ZBTB20: variants seen among roughly 807,000 people sequenced by gnomAD.
The protein encoded by ZBTB20 is zinc finger and BTB domain-containing protein 20.
ZBTB20 carries 9 observed loss-of-function variants against 56.9 expected under a neutral mutation model. The ratio of observed to expected loss-of-function variants is 0.16; its 90% CI spans 0.10 to 0.28. The LOEUF is 0.28. Ranked by LOEUF, ZBTB20 falls within the 10% of genes least tolerant of loss-of-function variation. The pLI is 1.00. For synonymous variants in ZBTB20, 417 were observed against 420.7 expected, an observed-to-expected ratio of 0.99 and a Z score of 0.11; for missense variants, 655 against 1,003.0, an observed-to-expected ratio of 0.65 and a Z score of 4.69.
chr3:114,784,506 A>G (rs1300768011), intron 5 of ZBTB20, among the ~76,000 whole-genome samples: 1 of 152,234 alleles, frequency 6.6e-6, no homozygotes, highest in Non-Finnish European at 1.5e-5. Context: ...TCTTAAATAT[A>G]GTGAAAATGT....
At chr3:114,691,240 G>A (rs1475117194) in intron 6 of ZBTB20, among the ~76,000 whole-genome samples, 1 of 152,076 alleles carries the variant, frequency 6.6e-6, no homozygotes, top group South Asian at 2.1e-4. Context: ...TATCTGAATA[G>A]TTTTTAACAT....
intron 10 of ZBTB20, among the ~76,000 whole-genome samples, chr3:114,366,153 T>C (rs1411451229): frequency 3.3e-5 from 5 of 152,208 alleles, no homozygotes; most frequent in Non-Finnish European, 7.3e-5. Context: ...CTGAATTCTG[T>C]CACCTGGCCA....
intron 6 of ZBTB20, among the ~76,000 whole-genome samples, chr3:114,638,934 A>C (rs2059416726): frequency 6.6e-6 from 1 of 152,098 alleles, no homozygotes; most frequent in Non-Finnish European, 1.5e-5. Flanking sequence ...AATACCATGC[A>C]GTTCTACTGA....
chr3:114,315,879 T>A lies in ZBTB20; in HGVS notation c.*23126A>T, dbSNP rs1158896972. ...AGAAAGACAGCAGATAGCAAACACATCAATAAGGTGCTCAAAGAAAAAAGT... is the reference window on the plus strand; with the variant it reads ...AGAAAGACAGCAGATAGCAAACACAACAATAAGGTGCTCAAAGAAAAAAGT... On this transcript the variant is annotated 3_prime_UTR_variant, in exon 12 of 12. Transcript: ENST00000675478. 1 of 155,586 alleles carries A rather than the reference T, an allele frequency of 6.4e-6. No individual in the cohort carries two copies. The highest frequency in any genetic ancestry group is 1.4e-5 in the Non-Finnish European group (1 of 71,076). 9.6% of individuals were successfully genotyped at this position (155,586 alleles called of 1,614,324 possible).
At chr3:114,941,818 A>G (rs1373496358) in intron 3 of ZBTB20, among the ~76,000 whole-genome samples, 2 of 146,176 alleles carry the variant, frequency 1.4e-5, no homozygotes, top group Admixed American at 1.3e-4. Flanking sequence ...CCAGGTTTCC[A>G]GTATTGCATC....
intron 3 of ZBTB20, among the ~76,000 whole-genome samples, chr3:114,901,999 T>C (rs2075139063): frequency 6.6e-6 from 1 of 152,164 alleles, no homozygotes; most frequent in Non-Finnish European, 1.5e-5. Context: ...GAAAAAGTTA[T>C]AAAATGCTAT....
chr3:114,391,512 T>C (rs2085872712), intron 7 of ZBTB20, among the ~76,000 whole-genome samples: 1 of 152,224 alleles, frequency 6.6e-6, no homozygotes, highest in Non-Finnish European at 1.5e-5. Context: ...TAGCACATTC[T>C]GTACTACTCC....
intron 4 of ZBTB20, among the ~76,000 whole-genome samples, chr3:114,820,785 T>C (rs987636782): frequency 1.3e-5 from 2 of 152,136 alleles, no homozygotes; most frequent in Non-Finnish European, 2.9e-5. Flanking sequence ...ATAATTTTCC[T>C]GAATTAAAAC....
intron 4 of ZBTB20, among the ~76,000 whole-genome samples, chr3:114,806,249 C>G (rs1381407402): frequency 6.6e-6 from 1 of 151,910 alleles, no homozygotes; most frequent in Non-Finnish European, 1.5e-5. Flanking sequence ...TATCTTCCAA[C>G]ACTTGTTACT....
chr3:115,084,212 A>G (rs1179148636), intron 1 of ZBTB20, among the ~76,000 whole-genome samples: 1 of 151,428 alleles, frequency 6.6e-6, no homozygotes, highest in East Asian at 1.9e-4. Context: ...GGTAAGTAGC[A>G]ACTGTCACAG....
At chr3:114,540,386 G>C (rs1215116077) in intron 6 of ZBTB20, among the ~76,000 whole-genome samples, 1 of 152,146 alleles carries the variant, frequency 6.6e-6, no homozygotes, top group Non-Finnish European at 1.5e-5. Flanking sequence ...AAAATCAGGA[G>C]AGTGAGTGAT....
chr3:114,716,754 G>A (rs769099635), intron 5 of ZBTB20, among the ~76,000 whole-genome samples: 2 of 152,104 alleles, frequency 1.3e-5, no homozygotes, highest in East Asian at 1.9e-4. Flanking sequence ...ATGTTTTGGC[G>A]TGGGATTGTT....
chr3:114,691,412 G>T (rs1440201328), intron 6 of ZBTB20, among the ~76,000 whole-genome samples: 2 of 151,998 alleles, frequency 1.3e-5, no homozygotes, highest in Admixed American at 1.3e-4. Flanking sequence ...GTTCATTATA[G>T]TAATTTGTTT....
chr3:114,871,045 T>C (rs1312627991), intron 4 of ZBTB20, among the ~76,000 whole-genome samples: 1 of 76,706 alleles, frequency 1.3e-5, no homozygotes, highest in Non-Finnish European at 3.9e-5. Context: ...TTAGAAGAAA[T>C]GGAAGAGAAT....
intron 2 of ZBTB20, among the ~76,000 whole-genome samples, chr3:115,050,738 G>A (rs1438643515): frequency 6.6e-6 from 1 of 151,984 alleles, no homozygotes; most frequent in African/African-American, 2.4e-5. Context: ...ACTTTTATGT[G>A]CAGATGACAG....
chr3:114,542,399 C>T (rs1040348190), intron 6 of ZBTB20, among the ~76,000 whole-genome samples: 2 of 152,068 alleles, frequency 1.3e-5, no homozygotes. Flanking sequence ...ATAAAAACTC[C>T]TAAGTGCATT....
At chr3:114,402,063 C>T (rs2086869149) in intron 7 of ZBTB20, among the ~76,000 whole-genome samples, 1 of 152,142 alleles carries the variant, frequency 6.6e-6, no homozygotes, top group Non-Finnish European at 1.5e-5. Context: ...ATGGCAATCA[C>T]ATCCTGCCAG....
intron 6 of ZBTB20, among the ~76,000 whole-genome samples, chr3:114,545,772 A>C (rs1352232658): frequency 6.6e-6 from 1 of 152,172 alleles, no homozygotes; most frequent in Admixed American, 6.5e-5. Context: ...CATCTTCATA[A>C]AACAGTTCTT....
intron 3 of ZBTB20, among the ~76,000 whole-genome samples, chr3:114,953,252 A>G (rs2077134733): frequency 1.3e-5 from 2 of 152,048 alleles, no homozygotes; most frequent in African/African-American, 4.8e-5. Flanking sequence ...AGATAAATTT[A>G]AATTGAATGC....
Sources: gnomAD v4.1 joint callset for allele counts (sites outside exome capture counted in the v4.1 genomes callset) on GRCh38, gnomAD v4.1.1 for gene constraint, MANE v1.5 for transcripts, NCBI Gene and HGNC (gene_info 2026-07-23, HGNC 2026-07-21) for gene names.